ICA1: variants seen among roughly 807,000 people sequenced by gnomAD.
ICA1 encodes 69 kDa islet cell autoantigen.
ICA1 carries 40 observed loss-of-function variants against 71.0 expected under a neutral mutation model. That is an observed-to-expected ratio of 0.56 (90% confidence interval 0.44 to 0.73). The LOEUF (loss-of-function observed/expected upper bound fraction) is 0.73, where lower values mean the gene tolerates loss of function less well. ICA1 is among the 30% of genes least tolerant of loss of function. The probability of loss-of-function intolerance (pLI) is 0.00; values close to 1 mark genes in which losing one functional copy is unlikely to be tolerated. For missense variants in ICA1, 578 were observed against 576.5 expected, an observed-to-expected ratio of 1.00 and a Z score of -0.03; for synonymous variants, 207 against 209.5, an observed-to-expected ratio of 0.99 and a Z score of 0.10.
chr7:8,126,977 A>ATTT (rs35052494), intron 13 of ICA1, among the ~76,000 whole-genome samples: 1 of 137,646 alleles, frequency 7.3e-6, no homozygotes, highest in Non-Finnish European at 1.6e-5. Context: ...CCCCTCCAGC[A>ATTT]TTTTTTTTTT....
intron 10 of ICA1, among the ~76,000 whole-genome samples, chr7:8,141,537 G>A (rs1392633547): frequency 6.6e-6 from 1 of 152,196 alleles, no homozygotes; most frequent in African/African-American, 2.4e-5. Flanking sequence ...TGATGTGACT[G>A]TGATGTGATT....
intron 1 of ICA1, among the ~76,000 whole-genome samples, chr7:8,245,400 G>C (rs1476500870): frequency 7.8e-6 from 1 of 128,992 alleles, no homozygotes; most frequent in Non-Finnish European, 1.6e-5. Context: ...CACACACTGG[G>C]GCCTGTTGTG....
intron 6 of ICA1, among the ~76,000 whole-genome samples, chr7:8,168,690 G>C (rs1319075002): frequency 6.6e-6 from 1 of 152,118 alleles, no homozygotes; most frequent in Admixed American, 6.5e-5. Context: ...TTTAGCTCAG[G>C]CTTCTCAACG....
At chr7:8,191,411 A>G (rs1234570105) in intron 6 of ICA1, among the ~76,000 whole-genome samples, 1 of 152,192 alleles carries the variant, frequency 6.6e-6, no homozygotes, top group Non-Finnish European at 1.5e-5. Context: ...AAGTACGCAA[A>G]CAACCACTCT....
rs774096439 is a variant in ICA1, at chr7:8,139,061, T to C, written c.956-14A>G. The C allele has an allele frequency of 8.7e-6, 14 of 1,605,702 alleles. No individual in the cohort carries two copies. The highest frequency in any genetic ancestry group is 4.0e-5 in the African/African-American group (3 of 74,740). On this transcript the variant is annotated splice_polypyrimidine_tract_variant and intron_variant, in intron 10 of 13. Coordinates refer to ENST00000402384, the MANE Select transcript of ICA1 (RefSeq NM_001136020.3). ...TTCCATCTTCAGCTGTAATATAACA[T>C]GTGCAACTGGTTACCAACAACTCGA...
In ICA1 at chr7:8,221,276, T is replaced by G. The variant is rs1796976211; in HGVS notation, c.379A>C (p.Arg127=). 1 of 1,613,252 alleles carries G rather than the reference T, an allele frequency of 6.2e-7. No homozygotes were observed. The highest frequency in any genetic ancestry group is 1.7e-5 in the Admixed American group (1 of 59,968). Residue 127 remains arginine, a splice_region_variant and synonymous_variant, in exon 5 of 14, where the codon AGG becomes CGG. Transcript: ENST00000402384. ...GKALCFSSQQ[R]LALRNPLCRF... is the part of the protein sequence containing the mutation. ...AGAACCCCACTAAAGGCCACACACC[T>G]TTGCTGGGAAGAAAAGCAGAGGGCC...
chr7:8,163,007 G>A (rs6463775), intron 6 of ICA1, among the ~76,000 whole-genome samples: 143,549 of 152,310 alleles, frequency 0.94, 67,672 homozygotes, highest in African/African-American at 0.96. Context: ...CAGAAAATCC[G>A]CCCGCCTTGG....
intron 6 of ICA1, among the ~76,000 whole-genome samples, chr7:8,164,804 A>G (rs6463776): frequency 0.99 from 150,605 of 152,366 alleles, 74,433 homozygotes; most frequent in Middle Eastern, 1. Context: ...CAGGCTGGGT[A>G]CAGTGCTGCA....
intron 6 of ICA1, among the ~76,000 whole-genome samples, chr7:8,201,626 TTGA>T (rs1789720922): frequency 6.6e-6 from 1 of 152,184 alleles, no homozygotes; most frequent in Non-Finnish European, 1.5e-5. Flanking sequence ...AGCAGTGCAG[TTGA>T]TGAAAAAGGG....
Position 8,123,569 on chromosome 7 carries a change from C to A in ICA1, c.1330+4304G>T, listed in dbSNP as rs1219976977. 2.0e-5 allele frequency among the ~76,000 whole-genome samples: 3 copies of A among 152,314 alleles called. No individual in the cohort carries two copies. The highest frequency in any genetic ancestry group is 4.8e-5 in the African/African-American group (2 of 41,572). ...GAATGTAGCTGCTGGCACACAGGAA[C>A]AAGATTTCCTAGGACAATCTCAATT... On this transcript the variant is annotated intron_variant, in intron 13 of 13. Transcript: ENST00000402384. This position sits in a 1 kb window ranked among gnomAD's most constrained non-coding sequence, Gnocchi z 4.1.
At chr7:8,127,771 G>A in intron 13 of ICA1, 102 bp downstream of exon 13, 2 of 1,295,078 alleles carry the variant, frequency 1.5e-6, no homozygotes, top group South Asian at 1.5e-5. Context: ...TAAAAATAGA[G>A]AAAACATTAA....
At chr7:8,247,487 C>A (rs939536608) in intron 1 of ICA1, among the ~76,000 whole-genome samples, 1 of 151,452 alleles carries the variant, frequency 6.6e-6, no homozygotes, top group Non-Finnish European at 1.5e-5. Flanking sequence ...AGAAAAAAAA[C>A]AAAACAAGCC....
In ICA1 at chr7:8,158,751, T is replaced by C. The variant is rs756909759; in HGVS notation, c.580-99A>G. On this transcript the variant is annotated intron_variant, in intron 6 of 13. Transcript: ENST00000402384. Reference sequence around the variant, plus strand: ...AACAGCAGGCCTTTTCTCTTTCACATATGAAAAGACTTTTGAAAATTCCAG... The same window carrying C: ...AACAGCAGGCCTTTTCTCTTTCACACATGAAAAGACTTTTGAAAATTCCAG... 12 of 1,231,700 alleles carry C rather than the reference T, an allele frequency of 9.7e-6. No individual in the cohort carries two copies. The South Asian group carries it at 1.3e-4, about 13-fold the overall frequency. 76.3% of individuals were successfully genotyped at this position (1,231,700 alleles called of 1,614,324 possible).
intron 6 of ICA1, among the ~76,000 whole-genome samples, chr7:8,216,023 AT>A (rs1481915816): frequency 6.6e-6 from 1 of 152,244 alleles, no homozygotes; most frequent in Non-Finnish European, 1.5e-5. Flanking sequence ...AAACTCCACA[AT>A]TTAAATTCAT....
intron 1 of ICA1, among the ~76,000 whole-genome samples, chr7:8,246,070 C>G (rs923388780): frequency 8.5e-5 from 13 of 152,076 alleles, no homozygotes; most frequent in Middle Eastern, 3.2e-3. Context: ...TGAAACAAGC[C>G]CAGAAAGAAT....
rs111344446 is a variant in ICA1, at chr7:8,257,725, A to G, written c.-80+4369T>C. Among the ~76,000 whole-genome samples the G allele has an allele frequency of 1.2e-3, 182 of 152,112 alleles. 1 individual carries two copies. Among genetic ancestry groups the G allele is most frequent in the African/African-American group, 3.9e-3 (162 of 41,494 alleles). On this transcript the variant is annotated intron_variant, in intron 1 of 13. Coordinates refer to ENST00000402384, the MANE Select transcript of ICA1 (RefSeq NM_001136020.3). Reference sequence around the variant, plus strand: ...AATGACTTTTTAATATTAGTCCCCTATTTTCTACTAATACCTCCACCACCT... The same window carrying G: ...AATGACTTTTTAATATTAGTCCCCTGTTTTCTACTAATACCTCCACCACCT...
chr7:8,172,246 T>C (rs1808637293), intron 6 of ICA1, among the ~76,000 whole-genome samples: 1 of 152,076 alleles, frequency 6.6e-6, no homozygotes, highest in Non-Finnish European at 1.5e-5. Context: ...CTTATTCTAT[T>C]TTTATATTCT....
At chr7:8,214,137 G>T (rs1183877804) in intron 6 of ICA1, among the ~76,000 whole-genome samples, 1 of 152,144 alleles carries the variant, frequency 6.6e-6, no homozygotes, top group East Asian at 1.9e-4. Context: ...GAGGATTCAG[G>T]ACTATTTTCT....
chr7:8,255,779 CTTTTTTTT>C (rs573673718), intron 1 of ICA1, among the ~76,000 whole-genome samples: 1 of 132,930 alleles, frequency 7.5e-6, no homozygotes, highest in Non-Finnish European at 1.6e-5. Context: ...ACTTCTTTCT[CTTTTTTTT>C]TTTTTTTGGC....
Sources: allele counts gnomAD v4.1 joint callset (sites outside exome capture counted in the v4.1 genomes callset), GRCh38; gene constraint gnomAD v4.1.1; non-coding constraint Gnocchi (gnomAD v3.1); transcripts MANE v1.5; gene names NCBI Gene and HGNC (gene_info 2026-07-23, HGNC 2026-07-21).